The following TCF12 variants were observed in gnomAD, a reference collection of about 807,000 sequenced individuals.
TCF12 encodes DNA-binding protein HTF4.
TCF12 carries 45 observed loss-of-function variants against 86.0 expected under a neutral mutation model. That is an observed-to-expected ratio of 0.52 (90% confidence interval 0.41 to 0.67). The LOEUF is 0.67. Among genes scored for constraint, TCF12 ranks in the 30% least tolerant of loss-of-function variants. The pLI, the probability that TCF12 is intolerant of heterozygous loss-of-function variation, is 0.00. For synonymous variants in TCF12, 330 were observed against 299.6 expected (o/e 1.10, Z -1.05); for missense variants, 881 against 859.9 (o/e 1.02, Z -0.31).
At chr15:57,054,639 G>GT (rs2067863327) in intron 3 of TCF12, among the ~76,000 whole-genome samples, 1 of 152,138 alleles carries the variant, frequency 6.6e-6, no homozygotes, top group South Asian at 2.1e-4. Flanking sequence ...TTATTGTATG[G>GT]TTGGATTTAG....
intron 3 of TCF12, among the ~76,000 whole-genome samples, chr15:56,983,887 A>G (rs2063016470): frequency 6.6e-6 from 1 of 151,262 alleles, no homozygotes; most frequent in Non-Finnish European, 1.5e-5. Flanking sequence ...CTGTCATCCC[A>G]GTTACTTGGG....
chr15:56,949,241 ATTTTTAG>A (rs2061155142), intron 3 of TCF12, among the ~76,000 whole-genome samples: 1 of 152,140 alleles, frequency 6.6e-6, no homozygotes, highest in Non-Finnish European at 1.5e-5. Context: ...ATTTGCTGGT[ATTTTTAG>A]GAATATGTCT....
At chr15:57,175,544 C>T (rs183200485) in intron 6 of TCF12, among the ~76,000 whole-genome samples, 5 of 152,244 alleles carry the variant, frequency 3.3e-5, no homozygotes, top group East Asian at 1.9e-4. Context: ...CCTGCTGTTT[C>T]GCCAACAGGA....
At chr15:57,269,549 C>T (rs2061032937) in intron 18 of TCF12, among the ~76,000 whole-genome samples, 1 of 151,902 alleles carries the variant, frequency 6.6e-6, no homozygotes, top group African/African-American at 2.4e-5. Context: ...GCACTTAGCT[C>T]ATTTACATTT....
chr15:57,112,835 A>T (rs2050585167), intron 5 of TCF12, among the ~76,000 whole-genome samples: 1 of 152,230 alleles, frequency 6.6e-6, no homozygotes, highest in Admixed American at 6.5e-5. Context: ...GAGTATAAAA[A>T]TAGAATACTG....
intron 7 of TCF12, among the ~76,000 whole-genome samples, chr15:57,197,212 A>G (rs957128290): frequency 4.5e-5 from 6 of 132,278 alleles, no homozygotes; most frequent in Non-Finnish European, 6.2e-5. Context: ...GCTGGAGTAC[A>G]GTAGTGCCAT....
rs566401697 is a variant in TCF12, at chr15:57,092,032, T to TA, written c.325+141_325+142insA. ...TAGGGGCATCTAGGGCTTTTCTTGTTCAGCACAGCTTGAGGATCAAATGTC... is the reference window on the plus strand; with the variant it reads ...TAGGGGCATCTAGGGCTTTTCTTGTTACAGCACAGCTTGAGGATCAAATGTC... On this transcript the variant is annotated intron_variant, in intron 5 of 20. Coordinates refer to ENST00000333725, the MANE Select transcript of TCF12 (RefSeq NM_207037.2). 165 of 566,792 alleles carry TA rather than the reference T, an allele frequency of 2.9e-4. No individual in the cohort carries two copies. In the African/African-American group the frequency reaches 2.9e-3, roughly 10 times the overall value. 35.1% of individuals were successfully genotyped at this position (566,792 alleles called of 1,614,324 possible). A position where few individuals can be genotyped will look rare whatever the true frequency, so the allele number is the denominator to read the frequency against.
intron 5 of TCF12, among the ~76,000 whole-genome samples, chr15:57,106,043 A>G (rs1024790757): frequency 4.6e-5 from 7 of 152,238 alleles, no homozygotes; most frequent in Non-Finnish European, 7.3e-5. Flanking sequence ...CTCCACATCT[A>G]TACATGGCAT....
intron 3 of TCF12, among the ~76,000 whole-genome samples, chr15:57,032,200 A>G (rs956535170): frequency 2.0e-5 from 3 of 152,166 alleles, no homozygotes; most frequent in African/African-American, 7.2e-5. Context: ...GACTTTAAAA[A>G]CAGGTATGAG....
At chr15:57,199,742 G>C (rs1012173628) in intron 8 of TCF12, among the ~76,000 whole-genome samples, 1 of 152,138 alleles carries the variant, frequency 6.6e-6, no homozygotes, top group Admixed American at 6.5e-5. Flanking sequence ...TGCAGGCCAA[G>C]CCTACTTATA....
chr15:57,142,497 C>G (rs987059058), intron 5 of TCF12, among the ~76,000 whole-genome samples: 1 of 36,222 alleles, frequency 2.8e-5, no homozygotes, highest in African/African-American at 5.2e-5. Flanking sequence ...TCCCACTGGC[C>G]AAATCTGTAC....
intron 5 of TCF12, among the ~76,000 whole-genome samples, chr15:57,157,578 G>A (rs1461841596): frequency 9.5e-6 from 1 of 105,216 alleles, no homozygotes; most frequent in Non-Finnish European, 1.9e-5. Context: ...TTCCTTTTTT[G>A]AGTCGGAGTC....
At chr15:57,109,316 A>AG (rs2050335234) in intron 5 of TCF12, 1 of 152,180 alleles carries the variant, frequency 6.6e-6, no homozygotes. Flanking sequence ...GCTATTGTAA[A>AG]GGTACTGAGA....
chr15:57,196,783 G>A (rs1166863003), intron 7 of TCF12, among the ~76,000 whole-genome samples: 1 of 152,148 alleles, frequency 6.6e-6, no homozygotes, highest in East Asian at 1.9e-4. Context: ...AACATTCAAG[G>A]ACAAATTGTA....
chr15:57,012,662 C>A (rs1294002852), intron 3 of TCF12, among the ~76,000 whole-genome samples: 3 of 152,166 alleles, frequency 2.0e-5, no homozygotes, highest in Admixed American at 1.3e-4. Flanking sequence ...CCAGTGACAT[C>A]CTCGACTAAG....
intron 5 of TCF12, among the ~76,000 whole-genome samples, chr15:57,133,855 A>G (rs1281633938): frequency 4.6e-5 from 7 of 152,122 alleles, no homozygotes; most frequent in African/African-American, 1.7e-4. Context: ...CCTCCTCTTC[A>G]TAATAGATTA....
chr15:57,228,641 T>C (rs187344832), intron 8 of TCF12, among the ~76,000 whole-genome samples: 16 of 152,194 alleles, frequency 1.1e-4, no homozygotes, highest in Admixed American at 6.5e-4. Context: ...AATAAACCAT[T>C]TTCTGATCAG....
At chr15:57,247,163 C>T in intron 13 of TCF12, 1 of 557,414 alleles carries the variant, frequency 1.8e-6, no homozygotes, top group Non-Finnish European at 3.4e-6. Flanking sequence ...CCACCACCAC[C>T]ACCATATCCT....
chr15:57,121,259 T>G (rs1043687271), intron 5 of TCF12, among the ~76,000 whole-genome samples: 5 of 152,186 alleles, frequency 3.3e-5, no homozygotes, highest in African/African-American at 1.2e-4. Flanking sequence ...CCAGACTTTG[T>G]CACTGTTTAA....
Sources: allele counts gnomAD v4.1 joint callset (sites outside exome capture counted in the v4.1 genomes callset), GRCh38; gene constraint gnomAD v4.1.1; transcripts MANE v1.5; gene names NCBI Gene and HGNC (gene_info 2026-07-23, HGNC 2026-07-21).